Variants in ZFAT observed in about 807,000 individuals in gnomAD.
The protein encoded by ZFAT is zinc finger protein ZFAT.
In ZFAT, 64 loss-of-function variants were observed where a neutral mutation model predicts 117.7. The ratio of observed to expected loss-of-function variants is 0.54; its 90% CI spans 0.44 to 0.67. The LOEUF is 0.67. Ranked by LOEUF, ZFAT falls within the 30% of genes least tolerant of loss-of-function variation. ZFAT has a pLI of 0.00. For synonymous variants in ZFAT, 679 were observed against 615.0 expected (o/e 1.10, Z -1.54); for missense variants, 1,433 against 1,584.5 (o/e 0.90, Z 1.62).
chr8:134,703,424 C>T (rs989343340), intron 1 of ZFAT, among the ~76,000 whole-genome samples: 1 of 152,210 alleles, frequency 6.6e-6, no homozygotes, highest in African/African-American at 2.4e-5. Context: ...AGTACCATTC[C>T]CATAGAGGAT....
the ZFAT span, among the ~76,000 whole-genome samples, chr8:134,805,317 T>C: frequency 6.6e-6 from 1 of 152,186 alleles, no homozygotes; most frequent in Non-Finnish European, 1.5e-5. Flanking sequence ...TCAGTGACCA[T>C]ACATTTCATG....
At chr8:134,588,916 A>G (rs191883042) in intron 8 of ZFAT, among the ~76,000 whole-genome samples, 2 of 152,368 alleles carry the variant, frequency 1.3e-5, no homozygotes, top group African/African-American at 4.8e-5. Flanking sequence ...TTATGTTGAA[A>G]GCAATCCTTA....
chr8:134,710,232 T>C (rs1813938449), intron 1 of ZFAT, among the ~76,000 whole-genome samples: 2 of 152,166 alleles, frequency 1.3e-5, no homozygotes, highest in African/African-American at 4.8e-5. Flanking sequence ...GAGTCACTCA[T>C]GTCAAACTCT....
the ZFAT span, among the ~76,000 whole-genome samples, chr8:134,777,187 T>C: frequency 6.6e-6 from 1 of 152,192 alleles, no homozygotes; most frequent in African/African-American, 2.4e-5. Context: ...CTTAAATTGC[T>C]ACTGAAATGA....
chr8:134,545,656 G>A (rs548578244), intron 11 of ZFAT, among the ~76,000 whole-genome samples: 4 of 152,280 alleles, frequency 2.6e-5, no homozygotes, highest in East Asian at 1.9e-4. Context: ...GTGCTTTAGC[G>A]TGTGTTTTAC....
Position 134,599,554 on chromosome 8 carries a change from C to T in ZFAT, c.2475+882G>A, listed in dbSNP as rs1827246791. 16 of 326,480 alleles carry T rather than the reference C, an allele frequency of 4.9e-5. 2 individuals carry two copies. Among genetic ancestry groups the T allele is most frequent in the South Asian group, 3.5e-4 (15 of 42,562 alleles). 20.2% of individuals were successfully genotyped at this position (326,480 alleles called of 1,614,324 possible). ...GAGACAGTGTTTGAATCCAGGTATC[C>T]AACCCCAAAGCCCATGCTCTGACCT... On this transcript the variant is annotated intron_variant, in intron 7 of 15. Transcript: ENST00000377838.
the ZFAT span, among the ~76,000 whole-genome samples, chr8:134,820,166 T>G: frequency 6.6e-6 from 1 of 152,240 alleles, no homozygotes; most frequent in Non-Finnish European, 1.5e-5. Flanking sequence ...GTGATTTGAA[T>G]GAGGGCATAG....
chr8:134,688,429 G>C (rs968653461), intron 1 of ZFAT, among the ~76,000 whole-genome samples: 4 of 152,154 alleles, frequency 2.6e-5, no homozygotes, highest in African/African-American at 9.7e-5. Context: ...AGGCAATTCA[G>C]AAGCTTTTTG....
In ZFAT at chr8:134,637,048, A is replaced by C. The variant is rs16905206; in HGVS notation, c.448+413T>G. Among the ~76,000 whole-genome samples, 305 of 152,340 alleles carry C rather than the reference A, an allele frequency of 2.0e-3. 9 individuals are homozygous for C. The East Asian group carries it at 0.053, about 27-fold the overall frequency. ...ACTAAGACGTCCTTCCTTCAATTCA[A>C]TGCCACCCAAACTGTGACACCAGAT... On this transcript the variant is annotated intron_variant, in intron 3 of 15. Transcript: ENST00000377838.
chr8:134,728,378 C>G, the ZFAT span, among the ~76,000 whole-genome samples: 7 of 151,858 alleles, frequency 4.6e-5, no homozygotes, highest in East Asian at 1.4e-3. Context: ...CAAGCTTTTC[C>G]TAAAAGTCTG....
Position 134,602,734 on chromosome 8 carries a change from C to A in ZFAT, c.985G>T (p.Asp329Tyr). The A allele has an allele frequency of 6.2e-7, 1 of 1,613,746 alleles. No homozygotes were observed. The highest frequency in any genetic ancestry group is 8.5e-7 in the Non-Finnish European group (1 of 1,179,700). The change falls in exon 6 of 16, where the codon GAC becomes TAC. Residue 329 changes from aspartate (D) to tyrosine (Y), a missense_variant. Physicochemically the swap from Asp to Tyr is radical, Grantham distance 160. Coordinates refer to ENST00000377838, the MANE Select transcript of ZFAT (RefSeq NM_020863.4). ...RKHTGEKFACDYCSFTCLSKG... is the reference protein window; with the variant it reads ...RKHTGEKFACYYCSFTCLSKG... ...CTCAGGCAGGTGAACGAGCAATAGT[C>A]GCAGGCGAACTTCTCTCCAGTGTGC...
chr8:134,657,472 A>T, intron 2 of ZFAT, 89 bp downstream of exon 2: 1 of 1,324,512 alleles, frequency 7.5e-7, no homozygotes, highest in African/African-American at 1.5e-5. Flanking sequence ...GGAAATGTGG[A>T]TTTTCTAGGC....
At chr8:134,573,028 C>A (rs753368043) in intron 10 of ZFAT, among the ~76,000 whole-genome samples, 3 of 152,148 alleles carry the variant, frequency 2.0e-5, no homozygotes, top group African/African-American at 4.8e-5. Flanking sequence ...CTATGAAGTT[C>A]AAAGACAGAG....
intron 12 of ZFAT, among the ~76,000 whole-genome samples, chr8:134,526,772 C>T (rs1821050481): frequency 6.6e-6 from 1 of 152,136 alleles, no homozygotes; most frequent in African/African-American, 2.4e-5. Context: ...GCCAAAGCTT[C>T]CTGAAACTCT....
intron 5 of ZFAT, among the ~76,000 whole-genome samples, chr8:134,603,535 C>A (rs1827669801): frequency 6.6e-6 from 1 of 152,186 alleles, no homozygotes; most frequent in African/African-American, 2.4e-5. Context: ...GACTCTTTTC[C>A]TTTCTGCAAG....
chr8:134,640,784 T>C (rs1385040074), intron 2 of ZFAT, among the ~76,000 whole-genome samples: 1 of 152,208 alleles, frequency 6.6e-6, no homozygotes, highest in Non-Finnish European at 1.5e-5. Context: ...AAATGAAATA[T>C]TCATGAATGA....
chr8:134,575,993 G>A (rs542074869), intron 10 of ZFAT, among the ~76,000 whole-genome samples: 1 of 152,304 alleles, frequency 6.6e-6, no homozygotes, highest in East Asian at 1.9e-4. Context: ...TAGTACATCA[G>A]TTTTGATATA....
chr8:134,703,929 G>A (rs1046430848), intron 1 of ZFAT, among the ~76,000 whole-genome samples: 6 of 152,198 alleles, frequency 3.9e-5, no homozygotes, highest in East Asian at 1.9e-4. Flanking sequence ...GTGGAAAAGA[G>A]TAAAGTCCCC....
chr8:134,596,733 T>C (rs1310810522), intron 7 of ZFAT, among the ~76,000 whole-genome samples: 2 of 152,152 alleles, frequency 1.3e-5, no homozygotes, highest in Non-Finnish European at 2.9e-5. Flanking sequence ...CATGGATGAA[T>C]TAAGTGACAG....
Sources: gnomAD v4.1 joint callset for allele counts (sites outside exome capture counted in the v4.1 genomes callset) on GRCh38, gnomAD v4.1.1 for gene constraint, MANE v1.5 for transcripts, NCBI Gene and HGNC (gene_info 2026-07-23, HGNC 2026-07-21) for gene names.